The following FOXP1 variants were observed in gnomAD, a reference collection of about 807,000 sequenced individuals.
FOXP1 encodes forkhead box protein P1.
A neutral mutation model predicts 98.2 loss-of-function variants in FOXP1; 15 were observed. That is an observed-to-expected ratio of 0.15 (90% CI 0.10 to 0.24). FOXP1 has a LOEUF of 0.24. Among genes scored for constraint, FOXP1 ranks in the 10% least tolerant of loss-of-function variants. The probability of loss-of-function intolerance (pLI) is 1.00; values close to 1 mark genes in which losing one functional copy is unlikely to be tolerated. For synonymous variants in FOXP1, 371 were observed against 314.5 expected, an observed-to-expected ratio of 1.18 and a Z score of -1.90; for missense variants, 633 against 848.5, an observed-to-expected ratio of 0.75 and a Z score of 3.15.
At chr3:71,560,706 T>C (rs1249401112) in intron 2 of FOXP1, among the ~76,000 whole-genome samples, 1 of 152,212 alleles carries the variant, frequency 6.6e-6, no homozygotes, top group African/African-American at 2.4e-5. Flanking sequence ...ATCTATACAA[T>C]GAAATATTAT....
chr3:70,994,032 GAAA>G (rs1259976277), intron 13 of FOXP1, among the ~76,000 whole-genome samples: 11 of 143,434 alleles, frequency 7.7e-5, no homozygotes, highest in Admixed American at 6.9e-4. Context: ...AAAAGAAAAA[GAAA>G]AAGAAAAAAA....
chr3:71,464,175 T>G (rs150669152), intron 3 of FOXP1, among the ~76,000 whole-genome samples: 1 of 151,538 alleles, frequency 6.6e-6, no homozygotes, highest in Non-Finnish European at 1.5e-5. Flanking sequence ...TACTTGGGAG[T>G]TGAAGTGGGC....
intron 4 of FOXP1, among the ~76,000 whole-genome samples, chr3:71,315,098 A>G (rs76120827): frequency 4.8e-5 from 6 of 124,138 alleles, no homozygotes; most frequent in South Asian, 2.7e-4. Flanking sequence ...AAAAAAAAAA[A>G]AAAAAAAAAG....
At chr3:71,135,995 C>G (rs1325484877) in intron 6 of FOXP1, among the ~76,000 whole-genome samples, 1 of 152,202 alleles carries the variant, frequency 6.6e-6, no homozygotes, top group African/African-American at 2.4e-5. Flanking sequence ...TCCCGTTCTG[C>G]CTTTCCTTCT....
chr3:71,091,615 T>C (rs1455397357), intron 7 of FOXP1, among the ~76,000 whole-genome samples: 1 of 152,204 alleles, frequency 6.6e-6, no homozygotes, highest in Non-Finnish European at 1.5e-5. Flanking sequence ...TCCAAAGAGT[T>C]ACCAAATTAA....
At chr3:71,213,974 G>A (rs1248219125) in intron 5 of FOXP1, among the ~76,000 whole-genome samples, 2 of 152,172 alleles carry the variant, frequency 1.3e-5, no homozygotes, top group African/African-American at 2.4e-5. Flanking sequence ...TGAATGGCTG[G>A]GAAGTACAAA....
chr3:71,141,448 G>A (rs898123312), intron 6 of FOXP1, among the ~76,000 whole-genome samples: 3 of 152,072 alleles, frequency 2.0e-5, no homozygotes, highest in African/African-American at 7.2e-5. Context: ...CTTTGTGACT[G>A]TCAATCAGGT....
At chr3:71,345,354 C>T (rs1406178756) in intron 4 of FOXP1, among the ~76,000 whole-genome samples, 1 of 151,474 alleles carries the variant, frequency 6.6e-6, no homozygotes, top group Non-Finnish European at 1.5e-5. Flanking sequence ...TGCCACTGAA[C>T]TCCAGCCTCA....
chr3:71,046,041 C>T (rs920977199), intron 10 of FOXP1, among the ~76,000 whole-genome samples: 1 of 152,176 alleles, frequency 6.6e-6, no homozygotes, highest in African/African-American at 2.4e-5. Context: ...AAAACACAGG[C>T]ATGGCACTTT....
intron 3 of FOXP1, among the ~76,000 whole-genome samples, chr3:71,432,829 A>G (rs2084845409): frequency 6.6e-6 from 1 of 150,394 alleles, no homozygotes. Flanking sequence ...TAACACTGAC[A>G]GGAAATGTGA....
intron 6 of FOXP1, among the ~76,000 whole-genome samples, chr3:71,147,538 C>T (rs2060369140): frequency 6.6e-6 from 1 of 152,130 alleles, no homozygotes; most frequent in Non-Finnish European, 1.5e-5. Flanking sequence ...CCATTAATGC[C>T]CCCCATCATT....
chr3:71,062,833 C>T (rs1254591732), intron 7 of FOXP1, among the ~76,000 whole-genome samples: 2 of 152,154 alleles, frequency 1.3e-5, no homozygotes, highest in African/African-American at 4.8e-5. Flanking sequence ...AAAAAATAAT[C>T]CTCAATAGAT....
intron 3 of FOXP1, among the ~76,000 whole-genome samples, chr3:71,465,192 G>A (rs1168311711): frequency 2.0e-5 from 3 of 151,698 alleles, no homozygotes; most frequent in Non-Finnish European, 2.9e-5. Context: ...CTGTAATCCC[G>A]GCTACTTGGG....
At chr3:71,216,957 T>C (rs986748890) in intron 5 of FOXP1, among the ~76,000 whole-genome samples, 2 of 152,196 alleles carry the variant, frequency 1.3e-5, no homozygotes, top group African/African-American at 4.8e-5. Context: ...CATCCTACAA[T>C]GCACAGCAGA....
chr3:71,382,533 C>T (rs1024559635), intron 3 of FOXP1, among the ~76,000 whole-genome samples: 1 of 152,174 alleles, frequency 6.6e-6, no homozygotes, highest in African/African-American at 2.4e-5. Flanking sequence ...ACTAGAGTTT[C>T]AAGAATTTTT....
chr3:71,381,314 C>T (rs1329011709), intron 3 of FOXP1, among the ~76,000 whole-genome samples: 1 of 151,882 alleles, frequency 6.6e-6, no homozygotes, highest in African/African-American at 2.4e-5. Flanking sequence ...CCGCGCCCGG[C>T]TAATTTTTTG....
At chr3:71,130,385 A>C (rs888561762) in intron 6 of FOXP1, 1 of 1,064,252 alleles carries the variant, frequency 9.4e-7, no homozygotes, top group Non-Finnish European at 1.4e-6. Flanking sequence ...AAAAAGCAGT[A>C]AACAAGTTGG....
At chr3:71,397,064 A>ATATATATATACACACATATATGTG (rs2081539435) in intron 3 of FOXP1, among the ~76,000 whole-genome samples, 1 of 62,228 alleles carries the variant, frequency 1.6e-5, no homozygotes, top group Non-Finnish European at 3.0e-5. Flanking sequence ...ATATATGTGT[A>ATATATATATACACACATATATGTG]TATATATATA....
intron 5 of FOXP1, among the ~76,000 whole-genome samples, chr3:71,207,158 C>T (rs17699658): frequency 0.16 from 24,882 of 151,828 alleles, 2,582 homozygotes; most frequent in Non-Finnish European, 0.22. Context: ...ACAAAGCCCA[C>T]GGAACTTTAA....
Sources: gnomAD v4.1 joint callset for allele counts (sites outside exome capture counted in the v4.1 genomes callset) on GRCh38, gnomAD v4.1.1 for gene constraint, MANE v1.5 for transcripts, NCBI Gene and HGNC (gene_info 2026-07-23, HGNC 2026-07-21) for gene names.